The following C1GALT1 variants were observed in gnomAD, a reference collection of about 807,000 sequenced individuals.
C1GALT1 encodes glycoprotein-N-acetylgalactosamine 3-beta-galactosyltransferase 1.
In C1GALT1, 11 loss-of-function variants were observed where a neutral mutation model predicts 31.0. The ratio of observed to expected loss-of-function variants is 0.36; its 90% CI spans 0.22 to 0.59. The LOEUF (loss-of-function observed/expected upper bound fraction) is 0.59, where lower values mean the gene tolerates loss of function less well. Among genes scored for constraint, C1GALT1 ranks in the 20% least tolerant of loss-of-function variants. The pLI is 0.79. For synonymous variants in C1GALT1, 175 were observed against 143.6 expected (o/e 1.22, Z -1.56); for missense variants, 424 against 425.2 (o/e 1.00, Z 0.03).
At chr7:7,158,459 G>C (rs543560833) in intron 2 of C1GALT1, among the ~76,000 whole-genome samples, 1 of 152,150 alleles carries the variant, frequency 6.6e-6, no homozygotes, top group South Asian at 2.1e-4. Flanking sequence ...CGAGTCAGCT[G>C]TTTGATCTCT....
At position 7,243,685 on chromosome 7, in the gene C1GALT1, A is replaced by C; in HGVS notation, c.1050A>C (p.Ala350=). 1 of 1,604,702 alleles carries C rather than the reference A, an allele frequency of 6.2e-7. No homozygotes were observed. The highest frequency in any genetic ancestry group is 2.2e-5 in the East Asian group (1 of 44,784). The change falls in exon 4 of 4, where the codon GCA becomes GCC. Residue 350 remains alanine (A), a synonymous_variant. Transcript: ENST00000436587. ...PERILKEISQ[A]NKNEDTKVKL... ...GTATACTAAAGGAAATTAGTCAAGC[A>C]AACAAAAATGAAGATACAAAAGTGA...
intron 1 of C1GALT1, among the ~76,000 whole-genome samples, chr7:7,227,340 A>C (rs1337936916): frequency 6.6e-6 from 1 of 152,238 alleles, no homozygotes; most frequent in Admixed American, 6.5e-5. Flanking sequence ...TTTATGAGAC[A>C]GACCTCTGCC....
chr7:7,216,659 AC>A (rs1177222431), intron 1 of C1GALT1, among the ~76,000 whole-genome samples: 1 of 152,204 alleles, frequency 6.6e-6, no homozygotes, highest in Admixed American at 6.5e-5. Flanking sequence ...AACTTCCCTT[AC>A]TAATTAAGTA....
chr7:7,198,302 T>C (rs1297521528), intron 1 of C1GALT1, among the ~76,000 whole-genome samples: 1 of 152,244 alleles, frequency 6.6e-6, no homozygotes, highest in Non-Finnish European at 1.5e-5. Context: ...ATGTGGTTTT[T>C]GTCTTTGGTT....
At chr7:7,172,408 G>C (rs1583730413) in intron 2 of C1GALT1, among the ~76,000 whole-genome samples, 1 of 152,166 alleles carries the variant, frequency 6.6e-6, no homozygotes, top group Admixed American at 6.5e-5. Context: ...TTGATGGGTT[G>C]GTTAAAATAT....
intron 2 of C1GALT1, among the ~76,000 whole-genome samples, chr7:7,173,928 A>C (rs1228618855): frequency 6.6e-6 from 1 of 152,108 alleles, no homozygotes; most frequent in Non-Finnish European, 1.5e-5. Context: ...AAATAGGAAA[A>C]AAATAATATA....
At chr7:7,169,924 A>G (rs568474750) in intron 2 of C1GALT1, among the ~76,000 whole-genome samples, 3 of 152,336 alleles carry the variant, frequency 2.0e-5, no homozygotes, top group Admixed American at 6.5e-5. Flanking sequence ...TTTGAGAAGA[A>G]TTGGTGTTAA....
intron 1 of C1GALT1, among the ~76,000 whole-genome samples, chr7:7,211,578 G>A (rs913174005): frequency 1.3e-5 from 2 of 152,196 alleles, no homozygotes; most frequent in African/African-American, 2.4e-5. Flanking sequence ...ATTGCAAACA[G>A]TAGAGTGAGT....
At chr7:7,211,572 C>T (rs1414643700) in intron 1 of C1GALT1, among the ~76,000 whole-genome samples, 1 of 152,208 alleles carries the variant, frequency 6.6e-6, no homozygotes, top group Non-Finnish European at 1.5e-5. Flanking sequence ...ATCCCTATTG[C>T]AAACAGTAGA....
intron 2 of C1GALT1, among the ~76,000 whole-genome samples, chr7:7,237,336 A>G (rs1193624463): frequency 6.6e-6 from 1 of 152,206 alleles, no homozygotes; most frequent in Non-Finnish European, 1.5e-5. Flanking sequence ...GTTTGTCTGC[A>G]CAAGATAATG....
chr7:7,171,114 A>G (rs999617374), intron 2 of C1GALT1, among the ~76,000 whole-genome samples: 12 of 44,704 alleles, frequency 2.7e-4, no homozygotes, highest in Non-Finnish European at 2.4e-4. Context: ...CTATATACAC[A>G]TGTTAGGTCT....
chr7:7,217,890 C>A (rs1001435394), intron 1 of C1GALT1, among the ~76,000 whole-genome samples: 1 of 152,102 alleles, frequency 6.6e-6, no homozygotes, highest in Non-Finnish European at 1.5e-5. Context: ...TGAGAAAAAT[C>A]ATTTCAATTG....
At chr7:7,167,886 G>T (rs559049753) in intron 2 of C1GALT1, among the ~76,000 whole-genome samples, 1 of 152,094 alleles carries the variant, frequency 6.6e-6, no homozygotes, top group Admixed American at 6.6e-5. Context: ...GTCTCTGAAG[G>T]CTTGGTTAGC....
At chr7:7,243,450 C>G (rs1783716027) in intron 3 of C1GALT1, 74 bp from the exon 4 acceptor site, 1 of 1,225,086 alleles carries the variant, frequency 8.2e-7, no homozygotes, top group Non-Finnish European at 1.1e-6. Flanking sequence ...TTAGCTGGTC[C>G]TTTATAAGTA....
intron 1 of C1GALT1, among the ~76,000 whole-genome samples, chr7:7,198,098 T>G (rs1165446881): frequency 2.6e-5 from 4 of 152,226 alleles, no homozygotes. Flanking sequence ...AGGGAGGGCA[T>G]CCCTGTCTTG....
chr7:7,180,657 C>T (rs1194319513), upstream of C1GALT1, among the ~76,000 whole-genome samples: 1 of 152,142 alleles, frequency 6.6e-6, no homozygotes, highest in Non-Finnish European at 1.5e-5. Context: ...GGTATTTGGA[C>T]AGATTTTAAC....
intron 2 of C1GALT1, among the ~76,000 whole-genome samples, chr7:7,236,216 G>A (rs2128249898): frequency 6.6e-6 from 1 of 152,236 alleles, no homozygotes. Context: ...TCTGCAGCAG[G>A]AAATGTGTCT....
chr7:7,182,983 T>C (rs1243163004), intron 1 of C1GALT1, among the ~76,000 whole-genome samples, 163 bp downstream of exon 1: 2 of 151,956 alleles, frequency 1.3e-5, no homozygotes, highest in Non-Finnish European at 2.9e-5. Flanking sequence ...TCGTCCGGGC[T>C]CCTGAGGAAG....
chr7:7,174,984 A>T (rs1415945681), intron 2 of C1GALT1, among the ~76,000 whole-genome samples: 1 of 151,836 alleles, frequency 6.6e-6, no homozygotes, highest in Non-Finnish European at 1.5e-5. Flanking sequence ...CTATCCATTT[A>T]TTTTGTTCCT....
Sources: allele counts gnomAD v4.1 joint callset (sites outside exome capture counted in the v4.1 genomes callset), GRCh38; gene constraint gnomAD v4.1.1; transcripts MANE v1.5; gene names NCBI Gene and HGNC (gene_info 2026-07-23, HGNC 2026-07-21).